Variants in DNAJC12 observed in about 807,000 individuals in gnomAD.
The protein encoded by DNAJC12 is dnaJ homolog subfamily C member 12.
A neutral mutation model predicts 28.5 loss-of-function variants in DNAJC12; 25 were observed. The ratio of observed to expected loss-of-function variants is 0.88; its 90% CI spans 0.64 to 1.22. DNAJC12 has a LOEUF of 1.22. DNAJC12 is among the 50% of genes most tolerant of loss of function. The probability of loss-of-function intolerance (pLI) is 0.00; values close to 1 mark genes in which losing one functional copy is unlikely to be tolerated. For synonymous variants in DNAJC12, 77 were observed against 80.6 expected (o/e 0.95, Z 0.24); for missense variants, 222 against 231.7 (o/e 0.96, Z 0.27).
intron 4 of DNAJC12, among the ~76,000 whole-genome samples, chr10:67,802,034 T>C (rs1841752278): frequency 6.6e-6 from 1 of 151,594 alleles, no homozygotes; most frequent in Non-Finnish European, 1.5e-5. Flanking sequence ...GCTAATGGTT[T>C]TTTAATTTTG....
chr10:67,803,000 C>T (rs1841763062), intron 4 of DNAJC12, among the ~76,000 whole-genome samples: 2 of 137,150 alleles, frequency 1.5e-5, no homozygotes, highest in South Asian at 4.7e-4. Context: ...ACCACCACTC[C>T]TGGCTAATTT....
chr10:67,830,527 G>C (rs1335412989), intron 1 of DNAJC12, among the ~76,000 whole-genome samples: 1 of 150,156 alleles, frequency 6.7e-6, no homozygotes, highest in Non-Finnish European at 1.5e-5. Context: ...AGAACGGCGT[G>C]AACCCGGGAG....
chr10:67,808,038 G>A (rs1841820593), intron 3 of DNAJC12, among the ~76,000 whole-genome samples: 1 of 152,178 alleles, frequency 6.6e-6, no homozygotes, highest in African/African-American at 2.4e-5. Context: ...ATGCTAAGCA[G>A]CCTGGTTTGC....
At chr10:67,807,821 TA>T (rs1841818584) in intron 3 of DNAJC12, among the ~76,000 whole-genome samples, 3 of 152,246 alleles carry the variant, frequency 2.0e-5, no homozygotes, top group African/African-American at 7.2e-5. Flanking sequence ...GTAAATGCTT[TA>T]AAGGTCCTCA....
chr10:67,798,628 G>C (rs887143049), intron 4 of DNAJC12, among the ~76,000 whole-genome samples: 1 of 152,108 alleles, frequency 6.6e-6, no homozygotes, highest in Non-Finnish European at 1.5e-5. Context: ...GTTGCAGTGA[G>C]CCGAGAGGGT....
At chr10:67,826,789 TTAG>T (rs1358278918) in intron 1 of DNAJC12, among the ~76,000 whole-genome samples, 5 of 110,950 alleles carry the variant, frequency 4.5e-5, no homozygotes, top group Non-Finnish European at 9.2e-5. Context: ...ATATATATCA[TTAG>T]ATATCAGATA....
rs756344051 is a variant in DNAJC12, at chr10:67,797,075, G to A, written c.*41C>T. On this transcript the variant is annotated 3_prime_UTR_variant, in exon 5 of 5. Transcript: ENST00000225171. ...AAAGACTGCATGTTGGCAGCATAGG[G>A]GACAGTCTTGCTCTTCCTCATTTTT... 6.6e-7 allele frequency: 1 copy of A among 1,506,920 alleles called. No individual in the cohort carries two copies. The highest frequency in any genetic ancestry group is 1.2e-5 in the South Asian group (1 of 86,854). 93.3% of individuals were successfully genotyped at this position (1,506,920 alleles called of 1,614,324 possible). A position where few individuals can be genotyped will look rare whatever the true frequency, so the allele number is the denominator to read the frequency against.
intron 4 of DNAJC12, among the ~76,000 whole-genome samples, chr10:67,798,782 T>C (rs970538481): frequency 6.6e-6 from 1 of 151,596 alleles, no homozygotes; most frequent in African/African-American, 2.4e-5. Context: ...TTTCCTTTTC[T>C]GAAACGGAGT....
At chr10:67,828,658 C>CTG (rs1439668793) in intron 1 of DNAJC12, among the ~76,000 whole-genome samples, 1 of 147,864 alleles carries the variant, frequency 6.8e-6, no homozygotes, top group African/African-American at 2.5e-5. Context: ...ATTCTATTTT[C>CTG]TCTCTCTCTC....
intron 3 of DNAJC12, 123 bp downstream of exon 3, chr10:67,811,401 A>G: frequency 6.6e-7 from 1 of 1,523,314 alleles, no homozygotes; most frequent in Non-Finnish European, 8.8e-7. Flanking sequence ...TTATATCCAG[A>G]CTCTGCTAAC....
Position 67,805,532 on chromosome 10 carries a change from A to G in DNAJC12, c.502+51T>C, listed in dbSNP as rs77971812. ...TAAGAATAAATGCAATATAAACAAAACTCTTTAATTTCAGACCTTCTCCAT... is the reference window on the plus strand; with the variant it reads ...TAAGAATAAATGCAATATAAACAAAGCTCTTTAATTTCAGACCTTCTCCAT... On this transcript the variant is annotated intron_variant, in intron 4 of 4. Transcript: ENST00000225171. 6,276 of 1,535,888 alleles carry G rather than the reference A, an allele frequency of 4.1e-3. 225 individuals are homozygous for G. The African/African-American group carries it at 0.078, about 19-fold the overall frequency.
At chr10:67,797,811 C>T (rs562477845) in intron 4 of DNAJC12, among the ~76,000 whole-genome samples, 2 of 152,072 alleles carry the variant, frequency 1.3e-5, no homozygotes, top group Non-Finnish European at 2.9e-5. Context: ...GAGGCCAAGG[C>T]GGGCGGATCA....
At chr10:67,816,335 C>G (rs547281317) in intron 2 of DNAJC12, among the ~76,000 whole-genome samples, 11 of 151,984 alleles carry the variant, frequency 7.2e-5, no homozygotes, top group African/African-American at 2.7e-4. Context: ...CAAACTTTTT[C>G]TTCCAACATT....
intron 3 of DNAJC12, among the ~76,000 whole-genome samples, chr10:67,807,260 C>CA (rs1335336843): frequency 2.3e-3 from 308 of 135,192 alleles, no homozygotes; most frequent in African/African-American, 5.0e-3. Flanking sequence ...GATTCTGTCT[C>CA]AAAAAAAAAA....
intron 4 of DNAJC12, among the ~76,000 whole-genome samples, chr10:67,805,101 T>C (rs1338663790): frequency 6.6e-6 from 1 of 152,186 alleles, no homozygotes; most frequent in Non-Finnish European, 1.5e-5. Flanking sequence ...CTTGGAACAC[T>C]GACTGAAGTC....
At chr10:67,834,185 T>A in intron 1 of DNAJC12, 1 of 358,104 alleles carries the variant, frequency 2.8e-6, no homozygotes, top group South Asian at 2.5e-5. Context: ...TTTTTTAATT[T>A]CTGATTTTGA....
At chr10:67,818,367 C>T (rs939225880) in intron 2 of DNAJC12, among the ~76,000 whole-genome samples, 1 of 152,156 alleles carries the variant, frequency 6.6e-6, no homozygotes, top group Non-Finnish European at 1.5e-5. Context: ...ATATCAAATG[C>T]ATGCCTGCCT....
Position 67,823,324 on chromosome 10 carries a change from G to A in DNAJC12, c.147C>T (p.Asn49=), listed in dbSNP as rs946247234. 2 of 1,613,996 alleles carry A rather than the reference G, an allele frequency of 1.2e-6. No individual in the cohort carries two copies. Among genetic ancestry groups the A allele is most frequent in the Non-Finnish European group, 1.7e-6 (2 of 1,179,946 alleles). ...TTATTAAGTTCTTACCAGCTTTGGG[G>A]TTTTCAGGATGCTTGTCTGGGTGAC... ...LECHPDKHPE[N]PKAVETFQKL... Residue 49 remains asparagine, a synonymous_variant, in exon 2 of 5, where the codon AAC becomes AAT. Transcript: ENST00000225171.
chr10:67,825,120 A>G (rs1253229614), intron 1 of DNAJC12, among the ~76,000 whole-genome samples: 1 of 152,188 alleles, frequency 6.6e-6, no homozygotes, highest in Non-Finnish European at 1.5e-5. Context: ...ACTCATCTTT[A>G]CATCAGATGA....
Sources: gnomAD v4.1 joint callset for allele counts (sites outside exome capture counted in the v4.1 genomes callset) on GRCh38, gnomAD v4.1.1 for gene constraint, MANE v1.5 for transcripts, NCBI Gene and HGNC (gene_info 2026-07-23, HGNC 2026-07-21) for gene names.